Variants in PXK observed in about 807,000 individuals in gnomAD.
PXK encodes the protein PX domain-containing protein kinase-like protein.
Under a neutral mutation model 84.7 loss-of-function variants are expected in PXK, and 35 were observed. The ratio of observed to expected loss-of-function variants is 0.41; its 90% CI spans 0.32 to 0.55. The LOEUF (loss-of-function observed/expected upper bound fraction) is 0.55. PXK is among the 20% of genes least tolerant of loss of function. The pLI is 0.21. For synonymous variants in PXK, 253 were observed against 260.8 expected (o/e 0.97, Z 0.29); for missense variants, 634 against 699.7 (o/e 0.91, Z 1.06).
In PXK at chr3:58,416,177, CAT is replaced by C. The variant is rs1004449007; in HGVS notation, c.1528+3217_1528+3218del. On this transcript the variant is annotated intron_variant, in intron 17 of 17. Coordinates refer to ENST00000356151, the MANE Select transcript of PXK (RefSeq NM_017771.5). The surrounding 1 kb of genome is among the most constrained non-coding windows in gnomAD (Gnocchi z 4.8). ...GAGCCTTTGAAAGACAACTCAGGGA[CAT>C]ATGTTAAGATCTTATCTTTAGTTTC... is the stretch of plus-strand genomic sequence containing the variant. Among the ~76,000 whole-genome samples, 4 of 152,178 alleles carry C rather than the reference CAT, an allele frequency of 2.6e-5. No individual in the cohort carries two copies. Among genetic ancestry groups the C allele is most frequent in the African/African-American group, 7.2e-5 (3 of 41,430 alleles).
chr3:58,343,091 G>A lies in PXK; in HGVS notation c.102+10001G>A, dbSNP rs368793270. On this transcript the variant is annotated intron_variant, in intron 1 of 17. Transcript: ENST00000356151. ...CTGGAGGGAAGTGAATGGAGTGTTGGTATGGGAGAATCCTGGATCTCAAAA... is the reference window on the plus strand; with the variant it reads ...CTGGAGGGAAGTGAATGGAGTGTTGATATGGGAGAATCCTGGATCTCAAAA... Among the ~76,000 whole-genome samples, 42 of 152,340 alleles carry A rather than the reference G, an allele frequency of 2.8e-4. No individual in the cohort carries two copies. In the South Asian group the frequency reaches 3.7e-3, roughly 14 times the overall value.
intron 17 of PXK, chr3:58,420,873 G>T: frequency 1.7e-6 from 2 of 1,187,882 alleles, no homozygotes; most frequent in African/African-American, 1.6e-5. Context: ...TTTTAATTTT[G>T]GAAACCATAA....
intron 7 of PXK, 112 bp from the exon 8 acceptor site, chr3:58,394,886 G>T (rs548919580): frequency 1.4e-6 from 1 of 708,750 alleles, no homozygotes; most frequent in South Asian, 1.9e-5. Flanking sequence ...CACTACATTC[G>T]TATGCAATTA....
At position 58,403,849 on chromosome 3, in the gene PXK, CT is replaced by C; in HGVS notation, c.1182-9del. Reference sequence around the variant, plus strand: ...GTTCAAGAAAGATTTTTGTTTGTTTCTTTTCTTTACAGATTATTCAGCGATG... The same window carrying C: ...GTTCAAGAAAGATTTTTGTTTGTTTCTTTCTTTACAGATTATTCAGCGATG... On this transcript the variant is annotated splice_polypyrimidine_tract_variant and intron_variant, in intron 12 of 17. Coordinates refer to ENST00000356151, the MANE Select transcript of PXK (RefSeq NM_017771.5). The C allele has an allele frequency of 6.6e-7, 1 of 1,521,974 alleles. No homozygotes were observed. The highest frequency in any genetic ancestry group is 8.9e-7 in the Non-Finnish European group (1 of 1,121,622). The allele number at this position is 1,521,974 out of a possible 1,614,324, so 94.3% of individuals were successfully genotyped here. A position where few individuals can be genotyped will look rare whatever the true frequency, so the allele number is the denominator to read the frequency against.
At chr3:58,382,732 A>G (rs201117914) in intron 4 of PXK, 32 bp downstream of exon 4, 12 of 1,447,202 alleles carry the variant, frequency 8.3e-6, no homozygotes, top group South Asian at 5.9e-5. Flanking sequence ...TTATGGTCAC[A>G]TGGCTAAAGA....
chr3:58,354,656 G>T (rs1182924246), intron 1 of PXK, among the ~76,000 whole-genome samples: 2 of 151,874 alleles, frequency 1.3e-5, no homozygotes, highest in African/African-American at 2.4e-5. Flanking sequence ...CATCATGTTG[G>T]CCAGGTTGGT....
chr3:58,375,410 C>T (rs2098433051), intron 3 of PXK, among the ~76,000 whole-genome samples: 1 of 152,012 alleles, frequency 6.6e-6, no homozygotes, highest in South Asian at 2.1e-4. Context: ...ATGAACCAAC[C>T]CACTCCTAGA....
chr3:58,421,706 G>A lies in PXK; in HGVS notation c.1529-3046G>A, dbSNP rs1253528399. 1.0e-6 allele frequency: 1 copy of A among 985,458 alleles called. No homozygotes were observed. Among genetic ancestry groups the A allele is most frequent in the Non-Finnish European group, 1.2e-6 (1 of 829,944 alleles). The allele number at this position is 985,458 out of a possible 1,614,324, so 61.0% of individuals were successfully genotyped here. A position where few individuals can be genotyped will look rare whatever the true frequency, so the allele number is the denominator to read the frequency against. ...CTCCCTGCAGCATTCTCTGCCCTCT[G>A]ACAGGGCCTCTGCTGGACTGCCAGG... On this transcript the variant is annotated intron_variant, in intron 17 of 17. Coordinates refer to ENST00000356151, the MANE Select transcript of PXK (RefSeq NM_017771.5). The surrounding 1 kb of genome is among the most constrained non-coding windows in gnomAD (Gnocchi z 5.5).
chr3:58,375,669 A>G (rs2098435900), intron 3 of PXK, among the ~76,000 whole-genome samples: 1 of 152,174 alleles, frequency 6.6e-6, no homozygotes. Flanking sequence ...CCACATCCCA[A>G]AGATGTACAG....
intron 1 of PXK, among the ~76,000 whole-genome samples, chr3:58,362,286 C>T (rs1431462387): frequency 6.6e-6 from 1 of 152,150 alleles, no homozygotes; most frequent in African/African-American, 2.4e-5. Context: ...ACCTGGATCC[C>T]AGATTTTTCT....
In PXK at chr3:58,381,908, A is replaced by G. The variant is rs187768562; in HGVS notation, c.202-606A>G. 3.6e-4 allele frequency among the ~76,000 whole-genome samples: 55 copies of G among 152,284 alleles called. No individual in the cohort carries two copies. The East Asian group carries it at 0.01, about 28-fold the overall frequency. ...GGTTATGTCACCTGGTAGCAGGGGT[A>G]AGGGGTGTCATGGGACTGCCAGTAA... On this transcript the variant is annotated intron_variant, in intron 3 of 17. Transcript: ENST00000356151.
intron 17 of PXK, chr3:58,422,177 C>A (rs1396713943): frequency 1.0e-6 from 1 of 985,374 alleles, no homozygotes; most frequent in Non-Finnish European, 1.2e-6. Flanking sequence ...AAAGGAAAAG[C>A]CAAAAACAAT....
chr3:58,420,568 G>A (rs1428301157), intron 17 of PXK: 21 of 1,535,640 alleles, frequency 1.4e-5, no homozygotes, highest in Non-Finnish European at 1.7e-5. Flanking sequence ...GTGAATTTTC[G>A]GTAAAGTAAA....
chr3:58,417,139 C>A (rs2061097366), intron 17 of PXK, among the ~76,000 whole-genome samples: 1 of 152,178 alleles, frequency 6.6e-6, no homozygotes, highest in African/African-American at 2.4e-5. Flanking sequence ...CTCCTGGGCA[C>A]AAGCACTCCT....
intron 1 of PXK, among the ~76,000 whole-genome samples, chr3:58,346,823 A>G (rs2097829754): frequency 7.2e-6 from 1 of 138,736 alleles, no homozygotes; most frequent in Admixed American, 7.1e-5. Flanking sequence ...ACATGTGGCT[A>G]ATTGTGTCCT....
rs1159247642 is a variant in PXK, at chr3:58,378,492, CTTTTTTT to C, written c.202-4007_202-4001del. On this transcript the variant is annotated intron_variant, in intron 3 of 17. Coordinates refer to ENST00000356151, the MANE Select transcript of PXK (RefSeq NM_017771.5). ...ATTGGATTTGGACTTCATTTTTCTTCTTTTTTTTTTTTTTTTTTTTTGTGTGTGTGTG... is the reference window on the plus strand; with the variant it reads ...ATTGGATTTGGACTTCATTTTTCTTCTTTTTTTTTTTTTTGTGTGTGTGTG... Among the ~76,000 whole-genome samples the C allele has an allele frequency of 2.4e-3, 58 of 24,322 alleles. 1 individual carries two copies. The highest frequency in any genetic ancestry group is 2.8e-3 in the Non-Finnish European group (34 of 12,246). 16.0% of individuals were successfully genotyped at this position (24,322 alleles called of 152,430 possible). A position where few individuals can be genotyped will look rare whatever the true frequency, so the allele number is the denominator to read the frequency against.
At position 58,421,688 on chromosome 3, in the gene PXK, C is replaced by A; in HGVS notation, c.1529-3064C>A. On this transcript the variant is annotated intron_variant, in intron 17 of 17. Transcript: ENST00000356151. This position sits in a 1 kb window ranked among gnomAD's most constrained non-coding sequence, Gnocchi z 5.5. Reference sequence around the variant, plus strand: ...CTAGATCTGACCTACGCTCTCCCTGCAGCATTCTCTGCCCTCTGACAGGGC... The same window carrying A: ...CTAGATCTGACCTACGCTCTCCCTGAAGCATTCTCTGCCCTCTGACAGGGC... 1 of 988,328 alleles carries A rather than the reference C, an allele frequency of 1.0e-6. No individual in the cohort carries two copies. Among genetic ancestry groups the A allele is most frequent in the Non-Finnish European group, 1.2e-6 (1 of 830,338 alleles). 61.2% of individuals were successfully genotyped at this position (988,328 alleles called of 1,614,324 possible). A position where few individuals can be genotyped will look rare whatever the true frequency, so the allele number is the denominator to read the frequency against.
At chr3:58,403,471 A>C (rs1237922086) in intron 12 of PXK, among the ~76,000 whole-genome samples, 2 of 152,318 alleles carry the variant, frequency 1.3e-5, no homozygotes, top group East Asian at 3.9e-4. Context: ...TCTAGAATAA[A>C]TTTTATCCTC....
In PXK at chr3:58,421,272, C is replaced by T; in HGVS notation, c.1529-3480C>T. 1.0e-6 allele frequency: 1 copy of T among 985,348 alleles called. No homozygotes were observed. The allele number at this position is 985,348 out of a possible 1,614,324, so 61.0% of individuals were successfully genotyped here. ...TAGATTACCCACTGCTGGCTGCTAA[C>T]ATGGGCCTAAGAGTCGGTGGGGAAG... On this transcript the variant is annotated intron_variant, in intron 17 of 17. Coordinates refer to ENST00000356151, the MANE Select transcript of PXK (RefSeq NM_017771.5). This position sits in a 1 kb window ranked among gnomAD's most constrained non-coding sequence, Gnocchi z 5.5.
Sources: gnomAD v4.1 joint callset for allele counts (sites outside exome capture counted in the v4.1 genomes callset) on GRCh38, gnomAD v4.1.1 for gene constraint, Gnocchi (gnomAD v3.1) non-coding constraint, MANE v1.5 for transcripts, NCBI Gene and HGNC (gene_info 2026-07-23, HGNC 2026-07-21) for gene names.